TEAD1: variants seen among roughly 807,000 people sequenced by gnomAD.
TEAD1 encodes the protein TEA domain transcription factor 1.
A neutral mutation model predicts 54.9 loss-of-function variants in TEAD1; 9 were observed. The ratio of observed to expected loss-of-function variants is 0.16; its 90% CI spans 0.10 to 0.29. The LOEUF is 0.29. Among genes scored for constraint, TEAD1 ranks in the 10% least tolerant of loss-of-function variants. The pLI, the probability that TEAD1 is intolerant of heterozygous loss-of-function variation, is 1.00. For missense variants in TEAD1, 387 were observed against 535.9 expected (o/e 0.72, Z 2.74); for synonymous variants, 200 against 187.8 (o/e 1.07, Z -0.53).
chr11:12,772,933 G>C (rs939944713), intron 3 of TEAD1, among the ~76,000 whole-genome samples: 5 of 152,220 alleles, frequency 3.3e-5, no homozygotes, highest in African/African-American at 1.2e-4. Context: ...CACAGGACCC[G>C]GGTTGCCCTT....
At chr11:12,695,458 C>CT (rs2133830323) in intron 2 of TEAD1, among the ~76,000 whole-genome samples, 1 of 152,278 alleles carries the variant, frequency 6.6e-6, no homozygotes, top group African/African-American at 2.4e-5. Flanking sequence ...CAGTTAACTT[C>CT]TTTTTCATGT....
At chr11:12,762,356 T>C (rs1273872637) in intron 2 of TEAD1, among the ~76,000 whole-genome samples, 5 of 139,078 alleles carry the variant, frequency 3.6e-5, no homozygotes, top group Non-Finnish European at 6.6e-5. Context: ...ATAGTTCAGT[T>C]TGAATTTCAT....
At chr11:12,767,249 A>G (rs1354653200) in intron 3 of TEAD1, among the ~76,000 whole-genome samples, 1 of 152,218 alleles carries the variant, frequency 6.6e-6, no homozygotes, top group East Asian at 1.9e-4. Context: ...CCTGTTCCCC[A>G]TCTTACCATA....
chr11:12,745,954 G>T (rs1374234893), intron 2 of TEAD1, among the ~76,000 whole-genome samples: 2 of 152,202 alleles, frequency 1.3e-5, no homozygotes, highest in African/African-American at 2.4e-5. Flanking sequence ...AGGCTTACCT[G>T]CCTGGCTTAA....
chr11:12,751,797 G>GAT (rs1454659427), intron 2 of TEAD1, among the ~76,000 whole-genome samples: 1 of 152,152 alleles, frequency 6.6e-6, no homozygotes, highest in Non-Finnish European at 1.5e-5. Context: ...AAAAGAAGAG[G>GAT]ATAGAGGTGA....
intron 9 of TEAD1, among the ~76,000 whole-genome samples, chr11:12,898,615 G>A (rs1245634624): frequency 1.3e-5 from 2 of 151,876 alleles, no homozygotes; most frequent in South Asian, 2.1e-4. Flanking sequence ...GGCTGGTCTC[G>A]AACTCCTGAC....
intron 3 of TEAD1, among the ~76,000 whole-genome samples, chr11:12,783,677 G>A (rs1945613347): frequency 1.3e-5 from 2 of 152,204 alleles, no homozygotes; most frequent in South Asian, 2.1e-4. Context: ...ACAGCTCACA[G>A]TCTTAACCAC....
rs1485308089 is a variant in TEAD1 at position 12,944,128 on chromosome 11, G to A, written c.*6906G>A. The stretch of plus-strand genomic sequence containing the variant: ...TGTATAAAATGGGCTTGTGATGTAA[G>A]CGTTTCATCTGGTCAGTGGTTCCTT... On this transcript the variant is annotated 3_prime_UTR_variant, in exon 13 of 13. Coordinates refer to ENST00000527636, the MANE Select transcript of TEAD1 (RefSeq NM_021961.6). 1 of 152,594 alleles carries A rather than the reference G, an allele frequency of 6.6e-6. No homozygotes were observed. Among genetic ancestry groups the A allele is most frequent in the Non-Finnish European group, 1.5e-5 (1 of 68,040 alleles). 9.5% of individuals were successfully genotyped at this position (152,594 alleles called of 1,614,324 possible).
At chr11:12,837,687 C>CTTT (rs1946924967) in intron 3 of TEAD1, among the ~76,000 whole-genome samples, 6 of 147,464 alleles carry the variant, frequency 4.1e-5, no homozygotes, top group Non-Finnish European at 5.9e-5. Flanking sequence ...CTTCTTTCTC[C>CTTT]CTTCTCCCTT....
chr11:12,748,922 G>C (rs1944807982), intron 2 of TEAD1, among the ~76,000 whole-genome samples: 1 of 152,126 alleles, frequency 6.6e-6, no homozygotes, highest in Non-Finnish European at 1.5e-5. Flanking sequence ...CAGGAGGGGA[G>C]GAGGGGAACC....
At chr11:12,779,798 C>T (rs1322834232) in intron 3 of TEAD1, among the ~76,000 whole-genome samples, 2 of 152,148 alleles carry the variant, frequency 1.3e-5, no homozygotes, top group African/African-American at 4.8e-5. Flanking sequence ...TAACGTAACA[C>T]ACCATATCAA....
At chr11:12,901,839 C>A in intron 9 of TEAD1, 101 bp from the exon 10 acceptor site, 1 of 1,453,556 alleles carries the variant, frequency 6.9e-7, no homozygotes, top group South Asian at 1.1e-5. Flanking sequence ...AGGCCTAATT[C>A]CAGAATTTTG....
rs543627408 is a variant in TEAD1, at chr11:12,843,046, T to A, written c.203-19204T>A. The stretch of plus-strand genomic sequence containing the variant: ...GAAGTTGCTTCCAGGAAAAAAAAAA[T>A]TTTTTTTCTAGCTAATTGTTTATCT... On this transcript the variant is annotated intron_variant, in intron 3 of 12. Transcript: ENST00000527636. Among the ~76,000 whole-genome samples, 1,428 of 148,004 alleles carry A rather than the reference T, an allele frequency of 9.6e-3. 8 individuals carry two copies. Among genetic ancestry groups the A allele is most frequent in the Middle Eastern group, 0.031 (9 of 292 alleles).
chr11:12,877,964 A>T (rs1475902574), intron 5 of TEAD1, among the ~76,000 whole-genome samples: 6 of 148,184 alleles, frequency 4.0e-5, no homozygotes, highest in Admixed American at 3.4e-4. Flanking sequence ...CACCTGGCTA[A>T]TTTTTTTTTT....
intron 9 of TEAD1, among the ~76,000 whole-genome samples, chr11:12,887,843 C>T (rs559100271): frequency 2.6e-5 from 4 of 152,138 alleles, no homozygotes; most frequent in Non-Finnish European, 5.9e-5. Flanking sequence ...ATTTGATAAG[C>T]GAACAAAGTG....
At chr11:12,880,748 G>A (rs1263496846) in intron 6 of TEAD1, among the ~76,000 whole-genome samples, 1 of 152,240 alleles carries the variant, frequency 6.6e-6, no homozygotes, top group East Asian at 1.9e-4. Context: ...TAGGTGTAAG[G>A]AAAACAGGAG....
In TEAD1 at chr11:12,831,154, A is replaced by G. The variant is rs73425645; in HGVS notation, c.203-31096A>G. Among the ~76,000 whole-genome samples, 562 of 152,134 alleles carry G rather than the reference A, an allele frequency of 3.7e-3. 5 individuals are homozygous for G. Among genetic ancestry groups the G allele is most frequent in the African/African-American group, 0.012 (514 of 41,494 alleles). On this transcript the variant is annotated intron_variant, in intron 3 of 12. Coordinates refer to ENST00000527636, the MANE Select transcript of TEAD1 (RefSeq NM_021961.6). ...TCTTTGGTTCCCATTTCACCACTCC[A>G]TGGTTCCTCCTCCAGGAAGCCTTCC...
chr11:12,741,379 G>A (rs1944646547), intron 2 of TEAD1, among the ~76,000 whole-genome samples: 1 of 152,072 alleles, frequency 6.6e-6, no homozygotes, highest in Admixed American at 6.6e-5. Flanking sequence ...CTAGGTCAAA[G>A]GATTTAAGCC....
At chr11:12,876,332 A>G (rs904721448) in intron 5 of TEAD1, among the ~76,000 whole-genome samples, 3 of 152,208 alleles carry the variant, frequency 2.0e-5, no homozygotes, top group Non-Finnish European at 2.9e-5. Context: ...GCAAATTTCA[A>G]GCAACTCAAT....
Sources: gnomAD v4.1 joint callset for allele counts (sites outside exome capture counted in the v4.1 genomes callset) on GRCh38, gnomAD v4.1.1 for gene constraint, MANE v1.5 for transcripts, NCBI Gene and HGNC (gene_info 2026-07-23, HGNC 2026-07-21) for gene names.